The following PTPRD variants were observed in gnomAD, a reference collection of about 807,000 sequenced individuals.
PTPRD encodes the protein protein tyrosine phosphatase receptor type D, also known as receptor-type tyrosine-protein phosphatase delta.
Under a neutral mutation model 214.5 loss-of-function variants are expected in PTPRD, and 34 were observed. That is an observed-to-expected ratio of 0.16 (90% confidence interval 0.12 to 0.21). PTPRD has a LOEUF of 0.21. Among genes scored for constraint, PTPRD ranks in the 10% least tolerant of loss-of-function variants. The probability of loss-of-function intolerance (pLI) is 1.00; values close to 1 mark genes in which losing one functional copy is unlikely to be tolerated. For synonymous variants in PTPRD, 1,128 were observed against 845.7 expected (o/e 1.33, Z -5.79); for missense variants, 2,545 against 2,398.7 (o/e 1.06, Z -1.27).
intron 6 of PTPRD, among the ~76,000 whole-genome samples, chr9:9,737,534 T>A (rs868199914): frequency 4.8e-4 from 73 of 152,298 alleles, no homozygotes; most frequent in African/African-American, 1.7e-3. Flanking sequence ...CCCTGATAAC[T>A]CCTAATCTAT....
At chr9:9,057,130 T>C (rs191177918) in intron 10 of PTPRD, among the ~76,000 whole-genome samples, 121 of 152,316 alleles carry the variant, frequency 7.9e-4, no homozygotes, top group Non-Finnish European at 1.3e-3. Flanking sequence ...GCATTATAGA[T>C]AATAATCTGA....
chr9:10,550,127 G>GCAAATT (rs1202075535), intron 2 of PTPRD, among the ~76,000 whole-genome samples: 1 of 152,172 alleles, frequency 6.6e-6, no homozygotes, highest in African/African-American at 2.4e-5. Context: ...AAATGCAAAT[G>GCAAATT]CAAAGCTGCT....
At chr9:8,544,770 C>T (rs747480666) in intron 14 of PTPRD, among the ~76,000 whole-genome samples, 2 of 151,764 alleles carry the variant, frequency 1.3e-5, no homozygotes, top group East Asian at 1.9e-4. Context: ...CATGCCTGGT[C>T]GCCATTACTT....
intron 6 of PTPRD, among the ~76,000 whole-genome samples, chr9:9,738,502 A>C (rs2761731): frequency 9.8e-5 from 14 of 142,512 alleles, no homozygotes; most frequent in Admixed American, 3.5e-4. Flanking sequence ...AGAGACCATC[A>C]GTGCGATCTT....
chr9:8,344,306 C>G (rs1459308601), intron 39 of PTPRD, among the ~76,000 whole-genome samples: 1 of 152,030 alleles, frequency 6.6e-6, no homozygotes, highest in Non-Finnish European at 1.5e-5. Context: ...AATGGCAGGA[C>G]TATTTTCTCA....
intron 5 of PTPRD, among the ~76,000 whole-genome samples, chr9:9,893,280 T>A (rs1269470029): frequency 6.6e-6 from 1 of 151,960 alleles, no homozygotes; most frequent in Non-Finnish European, 1.5e-5. Flanking sequence ...ATAGCAATAC[T>A]AAACATAAAT....
At chr9:8,918,683 C>T (rs771764719) in intron 11 of PTPRD, among the ~76,000 whole-genome samples, 19 of 152,042 alleles carry the variant, frequency 1.2e-4, no homozygotes, top group East Asian at 1.9e-4. Flanking sequence ...TTTCCTAAAA[C>T]GTACAATTTT....
intron 3 of PTPRD, among the ~76,000 whole-genome samples, chr9:10,055,163 A>C (rs916897811): frequency 1.3e-5 from 2 of 152,050 alleles, no homozygotes; most frequent in African/African-American, 2.4e-5. Flanking sequence ...ACCCTAAGAA[A>C]TAAATGTCTA....
chr9:10,167,388 T>C (rs1440350291), intron 3 of PTPRD, among the ~76,000 whole-genome samples: 1 of 152,108 alleles, frequency 6.6e-6, no homozygotes, highest in Non-Finnish European at 1.5e-5. Context: ...AAAGTGCACA[T>C]TCCCTTTCAC....
chr9:9,881,426 G>A (rs184447004), intron 5 of PTPRD, among the ~76,000 whole-genome samples: 200 of 152,162 alleles, frequency 1.3e-3, no homozygotes, highest in African/African-American at 4.6e-3. Context: ...CAAGAGCTTC[G>A]TAGTCTGACT....
At chr9:10,401,814 G>A (rs1490289465) in intron 2 of PTPRD, among the ~76,000 whole-genome samples, 1 of 150,772 alleles carries the variant, frequency 6.6e-6, no homozygotes, top group African/African-American at 2.4e-5. Flanking sequence ...CCCCATAACA[G>A]CATATGTAAA....
intron 10 of PTPRD, among the ~76,000 whole-genome samples, chr9:9,148,051 C>T (rs10119225): frequency 0.57 from 86,298 of 152,014 alleles, 25,217 homozygotes; most frequent in African/African-American, 0.7. Flanking sequence ...TAGGTTAATA[C>T]GCATATGGAA....
chr9:10,017,661 A>G (rs917232897), intron 4 of PTPRD, among the ~76,000 whole-genome samples: 1 of 152,274 alleles, frequency 6.6e-6, no homozygotes, highest in African/African-American at 2.4e-5. Flanking sequence ...CTTAGTACAT[A>G]TATTAAATAA....
intron 31 of PTPRD, among the ~76,000 whole-genome samples, chr9:8,466,864 C>A (rs999637138): frequency 1.1e-4 from 16 of 151,596 alleles, no homozygotes; most frequent in Admixed American, 9.2e-4. Context: ...TAGTAAGAAC[C>A]AAAGTGTGAT....
At chr9:8,402,691 C>CAA (rs35921932) in intron 36 of PTPRD, among the ~76,000 whole-genome samples, 1,804 of 151,874 alleles carry the variant, frequency 0.012, 47 homozygotes, top group African/African-American at 0.041. Context: ...AGACCCCCCA[C>CAA]AAAAAAACCT....
intron 10 of PTPRD, among the ~76,000 whole-genome samples, chr9:9,116,362 C>T (rs973365613): frequency 4.6e-5 from 7 of 152,024 alleles, no homozygotes; most frequent in African/African-American, 1.7e-4. Flanking sequence ...CAAAGTAATT[C>T]AGGAATGGAA....
intron 14 of PTPRD, among the ~76,000 whole-genome samples, chr9:8,610,571 T>C (rs774629500): frequency 1.3e-5 from 2 of 152,272 alleles, no homozygotes; most frequent in South Asian, 2.1e-4. Context: ...ACCATTCTAT[T>C]TGAACAGCAA....
chr9:9,105,667 G>C (rs957270219), intron 10 of PTPRD, among the ~76,000 whole-genome samples: 1 of 152,164 alleles, frequency 6.6e-6, no homozygotes, highest in East Asian at 1.9e-4. Context: ...CAAAACACTT[G>C]TATAATGATC....
At chr9:9,505,414 G>A (rs1273742950) in intron 8 of PTPRD, among the ~76,000 whole-genome samples, 1 of 151,320 alleles carries the variant, frequency 6.6e-6, no homozygotes, top group Non-Finnish European at 1.5e-5. Flanking sequence ...CTCAATATAG[G>A]ATGTAAATAT....
Sources: gnomAD v4.1 joint callset for allele counts (sites outside exome capture counted in the v4.1 genomes callset) on GRCh38, gnomAD v4.1.1 for gene constraint, MANE v1.5 for transcripts, NCBI Gene and HGNC (gene_info 2026-07-23, HGNC 2026-07-21) for gene names.